Variants in AS3MT observed in about 807,000 individuals in gnomAD.
AS3MT encodes the protein S-adenosyl-L-methionine:arsenic(III) methyltransferase.
A neutral mutation model predicts 45.3 loss-of-function variants in AS3MT; 47 were observed. The observed-to-expected ratio is 1.04, with a 90% CI of 0.82 to 1.32. The LOEUF is 1.32. Ranked by LOEUF, AS3MT falls within the 40% of genes most tolerant of loss-of-function variation. The probability of loss-of-function intolerance (pLI) is 0.00; values close to 1 mark genes in which losing one functional copy is unlikely to be tolerated. For synonymous variants in AS3MT, 141 were observed against 152.8 expected, an observed-to-expected ratio of 0.92 and a Z score of 0.57; for missense variants, 396 against 451.1, an observed-to-expected ratio of 0.88 and a Z score of 1.11.
At chr10:102,876,353 A>G (rs1311431180) in intron 6 of AS3MT, among the ~76,000 whole-genome samples, 2 of 149,566 alleles carry the variant, frequency 1.3e-5, no homozygotes, top group Non-Finnish European at 3.0e-5. Context: ...GGGTCCAGAT[A>G]GTGACACTCA....
chr10:102,891,534 A>G (rs1196833133), intron 10 of AS3MT, among the ~76,000 whole-genome samples: 2 of 152,242 alleles, frequency 1.3e-5, no homozygotes, highest in African/African-American at 2.4e-5. Context: ...AGCAAAGCCA[A>G]CTTGAAAAGA....
chr10:102,892,060 T>C (rs1383990252), intron 10 of AS3MT, among the ~76,000 whole-genome samples: 1 of 151,630 alleles, frequency 6.6e-6, no homozygotes, highest in Non-Finnish European at 1.5e-5. Flanking sequence ...TGTTTTTGAG[T>C]GCATATTGAA....
At chr10:102,872,393 G>A in intron 3 of AS3MT, 55 bp from the exon 4 acceptor site, 1 of 1,576,722 alleles carries the variant, frequency 6.3e-7, no homozygotes, top group Non-Finnish European at 8.7e-7. Flanking sequence ...ATAAGATTTA[G>A]TGGTTTCATG....
intron 9 of AS3MT, among the ~76,000 whole-genome samples, chr10:102,879,199 A>T (rs1379732543): frequency 6.6e-6 from 1 of 152,042 alleles, no homozygotes; most frequent in Non-Finnish European, 1.5e-5. Context: ...TCGCTCTGTC[A>T]CCCAGGCTGG....
chr10:102,871,608 G>A lies in AS3MT; in HGVS notation c.171-840G>A, dbSNP rs530397442. Among the ~76,000 whole-genome samples the A allele has an allele frequency of 2.3e-3, 314 of 134,988 alleles. 1 individual carries two copies. Among genetic ancestry groups the A allele is most frequent in the African/African-American group, 7.9e-3 (282 of 35,740 alleles). The allele number at this position is 134,988 out of a possible 152,430, so 88.6% of individuals were successfully genotyped here. On this transcript the variant is annotated intron_variant, in intron 3 of 10. Coordinates refer to ENST00000369880, the MANE Select transcript of AS3MT (RefSeq NM_020682.4). Reference sequence around the variant, plus strand: ...CCAGGAGTGGTGGCAGGCGCTCGTAGTCCTAGCTACTCGGGAGGCTGAGGT... The same window carrying A: ...CCAGGAGTGGTGGCAGGCGCTCGTAATCCTAGCTACTCGGGAGGCTGAGGT...
chr10:102,882,583 C>CTTAT (rs752223838), intron 9 of AS3MT, among the ~76,000 whole-genome samples: 45 of 151,782 alleles, frequency 3.0e-4, no homozygotes, highest in Non-Finnish European at 4.6e-4. Flanking sequence ...CTTCAAATTT[C>CTTAT]TTATTTATTT....
chr10:102,898,192 G>T (rs952303049), intron 10 of AS3MT, among the ~76,000 whole-genome samples: 1 of 151,960 alleles, frequency 6.6e-6, no homozygotes, highest in Non-Finnish European at 1.5e-5. Flanking sequence ...GGCATGCAGG[G>T]TATTGCATAT....
chr10:102,877,093 C>T, intron 7 of AS3MT, 58 bp downstream of exon 7: 1 of 1,504,854 alleles, frequency 6.6e-7, no homozygotes, highest in Middle Eastern at 1.7e-4. Context: ...TGCAGAACTC[C>T]TTTCTGCTAA....
chr10:102,893,747 C>T (rs954777740), intron 10 of AS3MT, among the ~76,000 whole-genome samples: 3 of 152,080 alleles, frequency 2.0e-5, no homozygotes, highest in Non-Finnish European at 4.4e-5. Context: ...GATCCACCCA[C>T]CTTGGCCTCC....
chr10:102,875,024 AGT>A (rs2134112357), intron 6 of AS3MT, among the ~76,000 whole-genome samples: 1 of 152,302 alleles, frequency 6.6e-6, no homozygotes, highest in East Asian at 1.9e-4. Context: ...TAGCATGTAC[AGT>A]GTTTCTCAGG....
At chr10:102,888,547 G>A (rs569999582) in intron 9 of AS3MT, among the ~76,000 whole-genome samples, 21 of 151,556 alleles carry the variant, frequency 1.4e-4, no homozygotes, top group Admixed American at 2.6e-4. Flanking sequence ...TCAGCCTCCC[G>A]AGTAGCTGGG....
intron 10 of AS3MT, among the ~76,000 whole-genome samples, chr10:102,899,804 A>T (rs976303066): frequency 6.6e-6 from 1 of 151,802 alleles, no homozygotes; most frequent in Non-Finnish European, 1.5e-5. Flanking sequence ...AGTAGCTGAG[A>T]CTACAGACGT....
intron 9 of AS3MT, among the ~76,000 whole-genome samples, chr10:102,887,024 G>T (rs1488481710): frequency 6.6e-6 from 1 of 152,002 alleles, no homozygotes; most frequent in Non-Finnish European, 1.5e-5. Flanking sequence ...TTTGCATGTT[G>T]TATTTCCATT....
intron 9 of AS3MT, among the ~76,000 whole-genome samples, chr10:102,889,898 G>A (rs188360116): frequency 6.6e-6 from 1 of 151,722 alleles, no homozygotes; most frequent in Non-Finnish European, 1.5e-5. Flanking sequence ...GGCTGGTCTC[G>A]AACTCCTGAC....
intron 3 of AS3MT, among the ~76,000 whole-genome samples, chr10:102,871,546 CAAAAAAAAAAAAAAAAA>C (rs748797211): frequency 1.2e-3 from 27 of 23,282 alleles, no homozygotes; most frequent in African/African-American, 4.8e-3. Context: ...GACTCCGTCT[CAAAAAAAAAAAAAAAAA>C]AAAAAAAAAA....
intron 9 of AS3MT, among the ~76,000 whole-genome samples, chr10:102,882,305 G>A (rs1844877440): frequency 1.3e-5 from 2 of 151,844 alleles, no homozygotes; most frequent in African/African-American, 4.8e-5. Flanking sequence ...TCCCACCTCA[G>A]CCTCCCAAAG....
At chr10:102,875,814 G>C (rs1384501738) in intron 6 of AS3MT, among the ~76,000 whole-genome samples, 1 of 151,860 alleles carries the variant, frequency 6.6e-6, no homozygotes, top group Non-Finnish European at 1.5e-5. Context: ...GTAGAGACAA[G>C]ATTTCACCAT....
chr10:102,878,837 T>C lies in AS3MT; in HGVS notation c.743-12T>C, dbSNP rs1463137971. ...GTGCTGGAGATGAACCGTGAATAAA[T>C]TCTATTTTTAGGTGACTGTCGTTTT... is the stretch of plus-strand genomic sequence containing the variant. On this transcript the variant is annotated splice_polypyrimidine_tract_variant and intron_variant, in intron 8 of 10. Coordinates refer to ENST00000369880, the MANE Select transcript of AS3MT (RefSeq NM_020682.4). 1.2e-6 allele frequency: 2 copies of C among 1,610,204 alleles called. No individual in the cohort carries two copies. Among genetic ancestry groups the C allele is most frequent in the Non-Finnish European group, 1.7e-6 (2 of 1,178,462 alleles).
At chr10:102,877,249 A>G (rs1482156272) in intron 7 of AS3MT, among the ~76,000 whole-genome samples, 1 of 152,232 alleles carries the variant, frequency 6.6e-6, no homozygotes, top group African/African-American at 2.4e-5. Context: ...TAAAATGTAA[A>G]TAATAATACA....
Sources: gnomAD v4.1 joint callset for allele counts (sites outside exome capture counted in the v4.1 genomes callset) on GRCh38, gnomAD v4.1.1 for gene constraint, MANE v1.5 for transcripts, NCBI Gene and HGNC (gene_info 2026-07-23, HGNC 2026-07-21) for gene names.